Variants in BAIAP2L1 observed in about 807,000 individuals in gnomAD.
BAIAP2L1 encodes the protein BAR/IMD domain-containing adapter protein 2-like 1.
BAIAP2L1 carries 35 observed loss-of-function variants against 66.3 expected under a neutral mutation model. The ratio of observed to expected loss-of-function variants is 0.53; its 90% CI spans 0.40 to 0.70. BAIAP2L1 has a LOEUF of 0.70. Among genes scored for constraint, BAIAP2L1 ranks in the 30% least tolerant of loss-of-function variants. BAIAP2L1 has a pLI of 0.00. For synonymous variants in BAIAP2L1, 269 were observed against 248.7 expected (o/e 1.08, Z -0.77); for missense variants, 622 against 656.9 (o/e 0.95, Z 0.58).
intron 1 of BAIAP2L1, among the ~76,000 whole-genome samples, chr7:98,393,038 CATATATACGTGTACAT>C (rs1259514032): frequency 1.0e-5 from 1 of 96,792 alleles, no homozygotes; most frequent in African/African-American, 4.5e-5. Context: ...CATATATATA[CATATATACGTGTACAT>C]ATATGTACAC....
intron 3 of BAIAP2L1, among the ~76,000 whole-genome samples, chr7:98,321,424 C>T (rs941480981): frequency 5.9e-5 from 9 of 152,148 alleles, no homozygotes; most frequent in African/African-American, 2.2e-4. Context: ...AGGAAGAGTG[C>T]TCAGCCCTGC....
chr7:98,398,097 A>C (rs1803259531), intron 1 of BAIAP2L1, among the ~76,000 whole-genome samples: 1 of 152,154 alleles, frequency 6.6e-6, no homozygotes, highest in Non-Finnish European at 1.5e-5. Flanking sequence ...AAAAAACTAA[A>C]ACCCATACTA....
intron 1 of BAIAP2L1, 151 bp downstream of exon 1, chr7:98,400,651 G>A (rs1803346536): frequency 1.2e-6 from 1 of 853,544 alleles, no homozygotes; most frequent in Non-Finnish European, 1.9e-6. Context: ...GGCTGTGGAG[G>A]GCCAGGGGAG....
intron 3 of BAIAP2L1, among the ~76,000 whole-genome samples, chr7:98,326,970 G>A (rs1801392451): frequency 6.6e-6 from 1 of 152,210 alleles, no homozygotes; most frequent in Admixed American, 6.5e-5. Flanking sequence ...AACACTGTGT[G>A]CTGAAATTTT....
At chr7:98,318,102 G>A (rs1801134149) in intron 5 of BAIAP2L1, among the ~76,000 whole-genome samples, 1 of 152,124 alleles carries the variant, frequency 6.6e-6, no homozygotes, top group Non-Finnish European at 1.5e-5. Context: ...CCACACACTG[G>A]TTAGAGCCCT....
intron 3 of BAIAP2L1, among the ~76,000 whole-genome samples, chr7:98,322,380 A>G (rs1169029252): frequency 6.6e-6 from 1 of 152,096 alleles, no homozygotes; most frequent in Admixed American, 6.5e-5. Context: ...CATCCTCGAC[A>G]TGTCTCAAAG....
chr7:98,326,968 G>A (rs1801392354), intron 3 of BAIAP2L1, among the ~76,000 whole-genome samples: 1 of 152,198 alleles, frequency 6.6e-6, no homozygotes, highest in Non-Finnish European at 1.5e-5. Context: ...TGAACACTGT[G>A]TGCTGAAATT....
At chr7:98,295,323 T>C (rs1800146666) in intron 12 of BAIAP2L1, among the ~76,000 whole-genome samples, 1 of 152,068 alleles carries the variant, frequency 6.6e-6, no homozygotes, top group African/African-American at 2.4e-5. Flanking sequence ...GGGCAGGGCA[T>C]CTGGGGCCAA....
intron 1 of BAIAP2L1, among the ~76,000 whole-genome samples, chr7:98,367,352 T>C (rs2115745908): frequency 6.6e-6 from 1 of 152,166 alleles, no homozygotes; most frequent in South Asian, 2.1e-4. Flanking sequence ...TCACTCATTT[T>C]TGGGGGAAGG....
At chr7:98,357,745 T>C (rs1298464391) in intron 2 of BAIAP2L1, among the ~76,000 whole-genome samples, 1 of 152,120 alleles carries the variant, frequency 6.6e-6, no homozygotes, top group Non-Finnish European at 1.5e-5. Context: ...ATATACATAC[T>C]TAGTTAATCT....
At chr7:98,396,755 T>G (rs1350130453) in intron 1 of BAIAP2L1, among the ~76,000 whole-genome samples, 2 of 152,134 alleles carry the variant, frequency 1.3e-5, no homozygotes, top group Non-Finnish European at 2.9e-5. Context: ...ACCACTGCAC[T>G]CCAGCCTGAG....
intron 1 of BAIAP2L1, among the ~76,000 whole-genome samples, chr7:98,374,733 C>T (rs925153365): frequency 1.2e-4 from 18 of 151,944 alleles, no homozygotes; most frequent in African/African-American, 3.9e-4. Context: ...TGGGCAAATA[C>T]GTCTGACCCT....
At chr7:98,341,590 C>T (rs955710105) in intron 3 of BAIAP2L1, among the ~76,000 whole-genome samples, 8 of 152,162 alleles carry the variant, frequency 5.3e-5, no homozygotes, top group South Asian at 4.1e-4. Context: ...CAGACTAGGT[C>T]ATATACCTGG....
At chr7:98,349,380 C>A (rs940816367) in intron 3 of BAIAP2L1, among the ~76,000 whole-genome samples, 1 of 152,168 alleles carries the variant, frequency 6.6e-6, no homozygotes, top group Non-Finnish European at 1.5e-5. Context: ...TAAGACGGCA[C>A]AAGAGCGGAG....
At chr7:98,328,866 A>G (rs896107134) in intron 3 of BAIAP2L1, among the ~76,000 whole-genome samples, 7 of 152,136 alleles carry the variant, frequency 4.6e-5, no homozygotes, top group African/African-American at 1.7e-4. Flanking sequence ...TCAGCTCGAC[A>G]CTTCTGTCAT....
intron 1 of BAIAP2L1, among the ~76,000 whole-genome samples, chr7:98,365,212 C>T (rs182942500): frequency 9.2e-5 from 14 of 151,902 alleles, no homozygotes; most frequent in African/African-American, 3.1e-4. Flanking sequence ...CAGTGGGACC[C>T]CTAGCCATGT....
rs1465503157 is a variant in BAIAP2L1 at position 98,291,815 on chromosome 7, ATTC to A, written c.*1703_*1705del. 1 of 153,248 alleles carries A rather than the reference ATTC, an allele frequency of 6.5e-6. No homozygotes were observed. The highest frequency in any genetic ancestry group is 1.5e-5 in the Non-Finnish European group (1 of 68,924). 9.5% of individuals were successfully genotyped at this position (153,248 alleles called of 1,614,324 possible). ...GTTGCATCCGAGACCCCCAGGTCCT[ATTC>A]TTCCACCCCGTAACAAAACCAGAAA... On this transcript the variant is annotated 3_prime_UTR_variant, in exon 14 of 14. Transcript: ENST00000005260.
intron 10 of BAIAP2L1, 86 bp downstream of exon 10, chr7:98,307,603 T>A (rs954345496): frequency 1.3e-6 from 2 of 1,563,570 alleles, no homozygotes; most frequent in Non-Finnish European, 1.7e-6. Flanking sequence ...AATGTGAGCA[T>A]GTCCACGAAG....
chr7:98,379,924 C>T (rs980536806), intron 1 of BAIAP2L1, among the ~76,000 whole-genome samples: 5 of 152,082 alleles, frequency 3.3e-5, no homozygotes, highest in African/African-American at 1.2e-4. Context: ...GTAATGATAG[C>T]AAATGGGGAT....
Sources: allele counts gnomAD v4.1 joint callset (sites outside exome capture counted in the v4.1 genomes callset), GRCh38; gene constraint gnomAD v4.1.1; transcripts MANE v1.5; gene names NCBI Gene and HGNC (gene_info 2026-07-23, HGNC 2026-07-21).